Variants in RBFOX1 observed in about 807,000 individuals in gnomAD.
The protein encoded by RBFOX1 is RNA binding protein fox-1 homolog 1.
In RBFOX1, 8 loss-of-function variants were observed where a neutral mutation model predicts 57.7. The observed-to-expected ratio is 0.14, with a 90% CI of 0.08 to 0.25. The LOEUF (loss-of-function observed/expected upper bound fraction) is 0.25, where lower values mean the gene tolerates loss of function less well. Ranked by LOEUF, RBFOX1 falls within the 10% of genes least tolerant of loss-of-function variation. The pLI is 1.00. For synonymous variants in RBFOX1, 326 were observed against 222.4 expected (o/e 1.47, Z -4.15); for missense variants, 611 against 548.5 (o/e 1.11, Z -1.14).
chr16:5,373,648 A>G lies in RBFOX1; in HGVS notation c.220-93568A>G, dbSNP rs2065914121. On this transcript the variant is annotated intron_variant, in intron 1 of 2. Coordinates refer to the RBFOX1 transcript ENST00000585867. The stretch of plus-strand genomic sequence containing the variant: ...CAGATGGAATCTCTCTCTGTCACCC[A>G]GGCTGGTGTGCGGTGGTGCGATCTT... 2.6e-5 allele frequency among the ~76,000 whole-genome samples: 4 copies of G among 151,480 alleles called. No homozygotes were observed. The South Asian group carries it at 8.4e-4, about 32-fold the overall frequency.
intron 3 of RBFOX1, among the ~76,000 whole-genome samples, chr16:5,745,090 C>G (rs1239972765): frequency 6.6e-6 from 1 of 152,204 alleles, no homozygotes; most frequent in African/African-American, 2.4e-5. Flanking sequence ...CTATCCCTCC[C>G]CCTTCCCCCA....
intron 4 of RBFOX1, among the ~76,000 whole-genome samples, chr16:5,902,854 G>T (rs1449480532): frequency 6.6e-6 from 1 of 152,080 alleles, no homozygotes; most frequent in Non-Finnish European, 1.5e-5. Flanking sequence ...TTCACAAAGA[G>T]ACCCCCAGGA....
intron 3 of RBFOX1, among the ~76,000 whole-genome samples, chr16:5,857,822 T>G (rs934586901): frequency 1.3e-5 from 2 of 151,618 alleles, no homozygotes; most frequent in Non-Finnish European, 2.9e-5. Flanking sequence ...GGTGAGTGCC[T>G]GTAGTCCCAG....
chr16:5,929,770 T>G (rs872963), intron 4 of RBFOX1, among the ~76,000 whole-genome samples: 2 of 152,250 alleles, frequency 1.3e-5, no homozygotes, highest in East Asian at 3.9e-4. Flanking sequence ...AGTCACTTGC[T>G]GTGTGCCACA....
At chr16:6,135,176 A>ACTGG (rs910692220) in intron 1 of RBFOX1, among the ~76,000 whole-genome samples, 1 of 152,154 alleles carries the variant, frequency 6.6e-6, no homozygotes, top group Non-Finnish European at 1.5e-5. Flanking sequence ...TTCAGTTCTG[A>ACTGG]CTGGCTAAGC....
chr16:6,692,966 C>T (rs1182904562), intron 3 of RBFOX1, among the ~76,000 whole-genome samples: 3 of 151,846 alleles, frequency 2.0e-5, no homozygotes, highest in Admixed American at 6.6e-5. Context: ...CCACTACCAT[C>T]ACCGGCATCA....
chr16:5,416,795 G>C (rs1452255857), intron 1 of RBFOX1, among the ~76,000 whole-genome samples: 4 of 151,790 alleles, frequency 2.6e-5, no homozygotes, highest in African/African-American at 7.3e-5. Context: ...AAAGCAATTT[G>C]CTTTGGCAAA....
chr16:7,416,063 G>C (rs925764632), intron 4 of RBFOX1, among the ~76,000 whole-genome samples: 14 of 151,898 alleles, frequency 9.2e-5, no homozygotes, highest in African/African-American at 7.3e-5. Context: ...TTCTCTTCTT[G>C]TCCTTTCTTT....
chr16:5,848,647 A>T (rs550339893), intron 3 of RBFOX1, among the ~76,000 whole-genome samples: 1 of 152,226 alleles, frequency 6.6e-6, no homozygotes, highest in South Asian at 2.1e-4. Flanking sequence ...AGTTAAAAAC[A>T]AGAGCATAAA....
At chr16:5,515,248 T>C (rs1179148005) in intron 2 of RBFOX1, among the ~76,000 whole-genome samples, 2 of 152,230 alleles carry the variant, frequency 1.3e-5, no homozygotes, top group Non-Finnish European at 2.9e-5. Context: ...GTCAGCTCCA[T>C]GTGGGCAAGT....
At chr16:6,818,584 A>C (rs1390617090) in intron 3 of RBFOX1, among the ~76,000 whole-genome samples, 1 of 152,026 alleles carries the variant, frequency 6.6e-6, no homozygotes, top group Non-Finnish European at 1.5e-5. Flanking sequence ...TTGCTATGGC[A>C]CTCTCATTTA....
At chr16:6,345,023 A>G (rs951609276) in intron 2 of RBFOX1, among the ~76,000 whole-genome samples, 4 of 152,092 alleles carry the variant, frequency 2.6e-5, no homozygotes, top group Non-Finnish European at 5.9e-5. Context: ...AGAACAATAT[A>G]TGGCGGCTTT....
In RBFOX1 at chr16:7,589,634, C is replaced by G. The variant is rs577109120; in HGVS notation, c.468+2334C>G. ...ACTGCTGGAATGGCACTGAGACAGT[C>G]CAGTTGGGACTGCTAAATGGGGGCA... On this transcript the variant is annotated intron_variant, in intron 7 of 15. Coordinates refer to ENST00000550418, the MANE Select transcript of RBFOX1 (RefSeq NM_018723.4). 5.9e-5 allele frequency among the ~76,000 whole-genome samples: 9 copies of G among 151,440 alleles called. No individual in the cohort carries two copies. In the South Asian group the frequency reaches 1.9e-3, roughly 32 times the overall value.
At chr16:7,431,968 C>T (rs145906794) in intron 4 of RBFOX1, among the ~76,000 whole-genome samples, 1 of 152,318 alleles carries the variant, frequency 6.6e-6, no homozygotes, top group Non-Finnish European at 1.5e-5. Context: ...TTACGGGATG[C>T]CAAGCATTCC....
chr16:5,429,952 A>G (rs932959701), intron 1 of RBFOX1, among the ~76,000 whole-genome samples: 4 of 152,186 alleles, frequency 2.6e-5, no homozygotes, highest in South Asian at 4.1e-4. Flanking sequence ...TTTGTGGTGC[A>G]CTTCTTCATT....
intron 12 of RBFOX1, among the ~76,000 whole-genome samples, chr16:7,660,977 T>A (rs2145407766): frequency 6.6e-6 from 1 of 152,262 alleles, no homozygotes; most frequent in South Asian, 2.1e-4. Flanking sequence ...ATATTGTCCA[T>A]CTCATGGGGG....
At chr16:5,529,351 A>T (rs917914214) in intron 2 of RBFOX1, among the ~76,000 whole-genome samples, 3 of 150,916 alleles carry the variant, frequency 2.0e-5, no homozygotes, top group African/African-American at 7.3e-5. Flanking sequence ...ATGATGTCAT[A>T]CTGGAGGAGG....
intron 2 of RBFOX1, among the ~76,000 whole-genome samples, chr16:5,512,145 A>G (rs1435192670): frequency 6.6e-6 from 1 of 152,156 alleles, no homozygotes; most frequent in Non-Finnish European, 1.5e-5. Context: ...AGTGGTGGAG[A>G]TAAAATGATG....
intron 3 of RBFOX1, among the ~76,000 whole-genome samples, chr16:6,993,559 T>A (rs571434677): frequency 6.6e-6 from 1 of 152,296 alleles, no homozygotes; most frequent in African/African-American, 2.4e-5. Context: ...AATTTTATTC[T>A]ACATAGGGAG....
Sources: allele counts gnomAD v4.1 joint callset (sites outside exome capture counted in the v4.1 genomes callset), GRCh38; gene constraint gnomAD v4.1.1; transcripts MANE v1.5; gene names NCBI Gene and HGNC (gene_info 2026-07-23, HGNC 2026-07-21).